PLEKHA5: variants seen among roughly 807,000 people sequenced by gnomAD.
PLEKHA5 encodes pleckstrin homology domain-containing family A member 5.
PLEKHA5 carries 55 observed loss-of-function variants against 181.9 expected under a neutral mutation model. The observed-to-expected ratio is 0.30, with a 90% CI of 0.24 to 0.38. The LOEUF (loss-of-function observed/expected upper bound fraction) is 0.38, where lower values mean the gene tolerates loss of function less well. PLEKHA5 is among the 10% of genes least tolerant of loss of function. The probability of loss-of-function intolerance (pLI) is 1.00; values close to 1 mark genes in which losing one functional copy is unlikely to be tolerated. For synonymous variants in PLEKHA5, 535 were observed against 529.4 expected (o/e 1.01, Z -0.15); for missense variants, 1,432 against 1,549.5 (o/e 0.92, Z 1.27).
Position 19,345,899 on chromosome 12 carries a change from AT to A in PLEKHA5, c.2709+13del, listed in dbSNP as rs2094301421. Reference sequence around the variant, plus strand: ...AAGTACAAAAATGAGGTAAGTTTGGATTGTTTTTCTAATTATAAATTACTTT... The same window carrying A: ...AAGTACAAAAATGAGGTAAGTTTGGATGTTTTTCTAATTATAAATTACTTT... On this transcript the variant is annotated intron_variant, in intron 23 of 31. Transcript: ENST00000429027. The A allele has an allele frequency of 1.5e-6, 2 of 1,369,982 alleles. No individual in the cohort carries two copies. The highest frequency in any genetic ancestry group is 3.6e-5 in the Admixed American group (2 of 55,920). The allele number at this position is 1,369,982 out of a possible 1,614,324, so 84.9% of individuals were successfully genotyped here. A position where few individuals can be genotyped will look rare whatever the true frequency, so the allele number is the denominator to read the frequency against.
At chr12:19,349,822 C>T (rs1481125344) in intron 25 of PLEKHA5, among the ~76,000 whole-genome samples, 1 of 151,436 alleles carries the variant, frequency 6.6e-6, no homozygotes. Flanking sequence ...ACTAAAAATA[C>T]AAAAGTTTGG....
intron 15 of PLEKHA5, chr12:19,307,613 G>A: frequency 3.0e-6 from 1 of 328,960 alleles, no homozygotes; most frequent in Admixed American, 3.5e-5. Context: ...TCTAGACACA[G>A]TCAAGGAGCA....
intron 3 of PLEKHA5, among the ~76,000 whole-genome samples, chr12:19,247,126 C>T (rs2063950591): frequency 6.6e-6 from 1 of 152,178 alleles, no homozygotes; most frequent in African/African-American, 2.4e-5. Flanking sequence ...GCAATGTCGA[C>T]TCTACGAAAA....
chr12:19,290,836 T>G, intron 14 of PLEKHA5, 40 bp downstream of exon 14: 6 of 1,494,498 alleles, frequency 4.0e-6, no homozygotes, highest in Non-Finnish European at 5.4e-6. Flanking sequence ...TCTGCCATCA[T>G]CTCTTATTTT....
At chr12:19,233,179 A>G (rs1439261939) in intron 3 of PLEKHA5, among the ~76,000 whole-genome samples, 1 of 152,224 alleles carries the variant, frequency 6.6e-6, no homozygotes, top group Non-Finnish European at 1.5e-5. Flanking sequence ...TAAGTCATGA[A>G]CAAATGGTAT....
chr12:19,237,439 A>G (rs1266024409), intron 3 of PLEKHA5, among the ~76,000 whole-genome samples: 1 of 152,076 alleles, frequency 6.6e-6, no homozygotes, highest in Non-Finnish European at 1.5e-5. Context: ...TAGACCTCCA[A>G]AGATAATTAG....
At chr12:19,173,716 A>G (rs2046544553) in intron 3 of PLEKHA5, among the ~76,000 whole-genome samples, 1 of 152,206 alleles carries the variant, frequency 6.6e-6, no homozygotes, top group Non-Finnish European at 1.5e-5. Flanking sequence ...GGATAGCTTA[A>G]GGTGTCATGT....
At chr12:19,192,922 G>A (rs766044518) in intron 3 of PLEKHA5, among the ~76,000 whole-genome samples, 2 of 152,134 alleles carry the variant, frequency 1.3e-5, no homozygotes, top group Non-Finnish European at 2.9e-5. Flanking sequence ...GCCTGTTTTT[G>A]TAAATAAAGC....
chr12:19,350,294 C>G (rs2094529996), intron 25 of PLEKHA5, among the ~76,000 whole-genome samples: 1 of 152,150 alleles, frequency 6.6e-6, no homozygotes, highest in African/African-American at 2.4e-5. Flanking sequence ...TTCTGAAACA[C>G]TTAGGACAAA....
rs1424270904 is a variant in PLEKHA5, at chr12:19,320,075, T to C, written c.2154+19T>C. ...ATATTGTGTATGTGTGTTTATATAT[T>C]ATATATATGTATACAATATGTTATA... On this transcript the variant is annotated intron_variant, in intron 17 of 31. Coordinates refer to ENST00000429027, the MANE Select transcript of PLEKHA5 (RefSeq NM_001256470.2). The C allele has an allele frequency of 7.2e-6, 6 of 836,376 alleles. No individual in the cohort carries two copies. The highest frequency in any genetic ancestry group is 1.1e-5 in the Non-Finnish European group (6 of 546,300). 51.8% of individuals were successfully genotyped at this position (836,376 alleles called of 1,614,324 possible). A position where few individuals can be genotyped will look rare whatever the true frequency, so the allele number is the denominator to read the frequency against.
chr12:19,208,674 T>G (rs1318430315), intron 3 of PLEKHA5, among the ~76,000 whole-genome samples: 2 of 152,194 alleles, frequency 1.3e-5, no homozygotes, highest in Non-Finnish European at 2.9e-5. Flanking sequence ...GACTAATACA[T>G]GTTCTCAAAT....
At chr12:19,179,644 G>T (rs990340215) in intron 3 of PLEKHA5, among the ~76,000 whole-genome samples, 4 of 152,148 alleles carry the variant, frequency 2.6e-5, no homozygotes, top group Admixed American at 6.5e-5. Flanking sequence ...TGGGCAACAG[G>T]AGATAAACTC....
At chr12:19,363,382 A>G (rs957866033) in intron 29 of PLEKHA5, among the ~76,000 whole-genome samples, 5 of 148,958 alleles carry the variant, frequency 3.4e-5, no homozygotes, top group Admixed American at 3.4e-4. Context: ...GTTAGCCAGG[A>G]TGGTCTCGAT....
chr12:19,336,305 G>A (rs528670300), intron 20 of PLEKHA5, among the ~76,000 whole-genome samples: 1 of 152,134 alleles, frequency 6.6e-6, no homozygotes, highest in Non-Finnish European at 1.5e-5. Context: ...CTACATTTTA[G>A]GAAATAAACA....
chr12:19,282,257 A>G (rs1327493533), intron 11 of PLEKHA5, among the ~76,000 whole-genome samples: 2 of 152,214 alleles, frequency 1.3e-5, no homozygotes, highest in Non-Finnish European at 2.9e-5. Context: ...TGCTTTAAGA[A>G]GCCTCCTGAA....
intron 20 of PLEKHA5, among the ~76,000 whole-genome samples, chr12:19,325,490 C>G (rs2091885443): frequency 6.6e-6 from 1 of 151,006 alleles, no homozygotes. Flanking sequence ...GAGTTCGAGA[C>G]CAGACTGGCT....
intron 3 of PLEKHA5, among the ~76,000 whole-genome samples, chr12:19,171,238 G>GGAGT (rs2045819917): frequency 6.6e-6 from 1 of 152,072 alleles, no homozygotes; most frequent in Admixed American, 6.5e-5. Flanking sequence ...ATTGAGAGAG[G>GGAGT]GAGTGAGCAT....
At chr12:19,258,648 T>A (rs1334772941) in intron 6 of PLEKHA5, among the ~76,000 whole-genome samples, 2 of 142,414 alleles carry the variant, frequency 1.4e-5, no homozygotes, top group Non-Finnish European at 3.0e-5. Context: ...CACCGCAACC[T>A]CTGCCTCCCG....
At chr12:19,263,094 T>C (rs1226896073) in intron 7 of PLEKHA5, among the ~76,000 whole-genome samples, 1 of 152,220 alleles carries the variant, frequency 6.6e-6, no homozygotes, top group Non-Finnish European at 1.5e-5. Flanking sequence ...ATATTATACA[T>C]TTTTACTATT....
Sources: allele counts gnomAD v4.1 joint callset (sites outside exome capture counted in the v4.1 genomes callset), GRCh38; gene constraint gnomAD v4.1.1; transcripts MANE v1.5; gene names NCBI Gene and HGNC (gene_info 2026-07-23, HGNC 2026-07-21).